The following IL1RAPL2 variants were observed in gnomAD, a reference collection of about 807,000 sequenced individuals.
IL1RAPL2 encodes the protein X-linked interleukin-1 receptor accessory protein-like 2.
IL1RAPL2 carries 3 observed loss-of-function variants against 44.1 expected under a neutral mutation model. The observed-to-expected ratio is 0.07, with a 90% CI of 0.03 to 0.18. IL1RAPL2 has a LOEUF of 0.18. Ranked by LOEUF, IL1RAPL2 falls within the 10% of genes least tolerant of loss-of-function variation. The pLI, the probability that IL1RAPL2 is intolerant of heterozygous loss-of-function variation, is 1.00. For missense variants in IL1RAPL2, 391 were observed against 496.4 expected (o/e 0.79, Z 2.02); for synonymous variants, 181 against 178.8 (o/e 1.01, Z -0.10).
intron 6 of IL1RAPL2, among the ~76,000 whole-genome samples, chrX:105,684,747 C>T (rs190913190): frequency 5.0e-4 from 56 of 112,265 alleles, no homozygotes; most frequent in African/African-American, 1.7e-3. Context: ...CCCTGACCCA[C>T]GAGTAGCCTA....
At chrX:105,077,056 AT>A (rs1160650284) in intron 2 of IL1RAPL2, among the ~76,000 whole-genome samples, 2 of 110,740 alleles carry the variant, frequency 1.8e-5, no homozygotes, top group African/African-American at 3.3e-5. Flanking sequence ...TAAGGTTAAT[AT>A]TGTTATGTGT....
chrX:104,965,537 T>C (rs1449565851), intron 2 of IL1RAPL2, among the ~76,000 whole-genome samples: 1 of 111,341 alleles, frequency 9.0e-6, no homozygotes, highest in African/African-American at 3.3e-5. Flanking sequence ...TTCTTAAACA[T>C]AGAGCCCCCA....
intron 1 of IL1RAPL2, among the ~76,000 whole-genome samples, chrX:104,632,127 G>T (rs1363831031): frequency 9.0e-6 from 1 of 111,104 alleles, no homozygotes; most frequent in Non-Finnish European, 1.9e-5. Flanking sequence ...GTTTTTGTCA[G>T]GTTTGTCAAA....
chrX:105,057,597 C>G (rs1036890333), intron 2 of IL1RAPL2, among the ~76,000 whole-genome samples: 17 of 110,829 alleles, frequency 1.5e-4, no homozygotes, highest in African/African-American at 4.9e-4. Flanking sequence ...CTCCATCTAT[C>G]AGAGTCCCCT....
intron 6 of IL1RAPL2, among the ~76,000 whole-genome samples, chrX:105,690,888 T>C (rs73245795): frequency 1.9e-3 from 217 of 111,511 alleles, no homozygotes; most frequent in Non-Finnish European, 3.2e-3. Context: ...AATTTTTTCC[T>C]CACAGTTCTG....
intron 6 of IL1RAPL2, among the ~76,000 whole-genome samples, chrX:105,707,372 G>A (rs1261461401): frequency 1.8e-5 from 2 of 112,139 alleles, no homozygotes; most frequent in East Asian, 2.8e-4. Context: ...AGAGAAAACC[G>A]ATTTAAAAAT....
At chrX:105,383,228 A>T (rs1470217499) in intron 5 of IL1RAPL2, among the ~76,000 whole-genome samples, 1 of 110,420 alleles carries the variant, frequency 9.1e-6, no homozygotes, top group Admixed American at 9.7e-5. Flanking sequence ...ATATTTTTGT[A>T]CCCATTAACC....
chrX:105,234,977 A>G (rs2034107690), intron 4 of IL1RAPL2, among the ~76,000 whole-genome samples: 1 of 110,777 alleles, frequency 9.0e-6, no homozygotes, highest in African/African-American at 3.3e-5. Context: ...GGAAGCTGCC[A>G]AGAGATACAG....
In IL1RAPL2 at chrX:104,873,018, G is replaced by A. The variant is rs139473400; in HGVS notation, c.82+214023G>A. ...TTAAGAAATTTATAATTGCGTATGT[G>A]TATATAGACACACACACATAGAAGT... is the stretch of plus-strand genomic sequence containing the variant. On this transcript the variant is annotated intron_variant, in intron 2 of 10. Transcript: ENST00000372582. Among the ~76,000 whole-genome samples, 731 of 111,636 alleles carry A rather than the reference G, an allele frequency of 6.5e-3. 14 individuals carry two copies. The highest frequency in any genetic ancestry group is 0.023 in the African/African-American group (695 of 30,764).
At chrX:105,157,368 T>G (rs1271591154) in intron 2 of IL1RAPL2, among the ~76,000 whole-genome samples, 1 of 111,565 alleles carries the variant, frequency 9.0e-6, no homozygotes, top group Admixed American at 9.5e-5. Context: ...TCAGCTTACA[T>G]ATGGCCCAGA....
At chrX:104,974,910 C>T (rs1327563040) in intron 2 of IL1RAPL2, among the ~76,000 whole-genome samples, 2 of 112,243 alleles carry the variant, frequency 1.8e-5, no homozygotes, top group Non-Finnish European at 3.8e-5. Flanking sequence ...AGTAGACACA[C>T]TGATTCTGGC....
At chrX:105,086,260 T>C (rs1257900928) in intron 2 of IL1RAPL2, among the ~76,000 whole-genome samples, 5 of 107,770 alleles carry the variant, frequency 4.6e-5, no homozygotes, top group East Asian at 2.9e-4. Flanking sequence ...GAAAATGTGA[T>C]ACACACACAC....
chrX:105,310,914 A>G (rs1473323815), intron 5 of IL1RAPL2, among the ~76,000 whole-genome samples: 1 of 111,577 alleles, frequency 9.0e-6, no homozygotes. Context: ...AGGAATGTAA[A>G]AATCTCTGAC....
intron 6 of IL1RAPL2, among the ~76,000 whole-genome samples, chrX:105,518,919 C>T (rs1331082077): frequency 3.6e-5 from 4 of 110,621 alleles, no homozygotes; most frequent in African/African-American, 1.3e-4. Flanking sequence ...ATGCTACCAC[C>T]CAAGCATCTA....
chrX:104,841,333 CTT>C (rs1921897059), intron 2 of IL1RAPL2, among the ~76,000 whole-genome samples: 1 of 111,655 alleles, frequency 9.0e-6, no homozygotes, highest in Non-Finnish European at 1.9e-5. Flanking sequence ...GGTCTTGACT[CTT>C]TATATAATTT....
At chrX:105,308,061 T>G (rs2034765500) in intron 5 of IL1RAPL2, among the ~76,000 whole-genome samples, 1 of 110,846 alleles carries the variant, frequency 9.0e-6, no homozygotes, top group African/African-American at 3.3e-5. Flanking sequence ...CTAGGTCTTC[T>G]CAGTGAACAG....
intron 2 of IL1RAPL2, among the ~76,000 whole-genome samples, chrX:105,106,378 AG>A (rs2032744537): frequency 9.0e-6 from 1 of 110,866 alleles, no homozygotes; most frequent in Non-Finnish European, 1.9e-5. Context: ...GCAGCCATGG[AG>A]GAGTCATTTT....
chrX:104,907,583 G>T (rs1294808072), intron 2 of IL1RAPL2, among the ~76,000 whole-genome samples: 3 of 111,836 alleles, frequency 2.7e-5, no homozygotes, highest in Non-Finnish European at 3.8e-5. Context: ...TCAGGAGCAG[G>T]TTGTTCAGTT....
chrX:105,359,596 C>T (rs2035232901), intron 5 of IL1RAPL2, among the ~76,000 whole-genome samples: 1 of 110,853 alleles, frequency 9.0e-6, no homozygotes, highest in African/African-American at 3.3e-5. Context: ...AAAGACTCTG[C>T]TTTTTCTGCT....
Sources: allele counts gnomAD v4.1 joint callset (sites outside exome capture counted in the v4.1 genomes callset), GRCh38; gene constraint gnomAD v4.1.1; transcripts MANE v1.5; gene names NCBI Gene and HGNC (gene_info 2026-07-23, HGNC 2026-07-21).